Variants in C3orf20 observed in about 807,000 individuals in gnomAD.
C3orf20 encodes uncharacterized protein C3orf20.
In C3orf20, 76 loss-of-function variants were observed where a neutral mutation model predicts 88.3. The ratio of observed to expected loss-of-function variants is 0.86; its 90% CI spans 0.72 to 1.04. C3orf20 has a LOEUF of 1.04. Ranked by LOEUF, C3orf20 falls within the 50% of genes least tolerant of loss-of-function variation. The pLI, the probability that C3orf20 is intolerant of heterozygous loss-of-function variation, is 0.00. For missense variants in C3orf20, 1,056 were observed against 1,123.3 expected (o/e 0.94, Z 0.86); for synonymous variants, 436 against 437.4 (o/e 1.00, Z 0.04).
chr3:14,697,528 T>C (rs1485233230), intron 5 of C3orf20, among the ~76,000 whole-genome samples: 1 of 152,048 alleles, frequency 6.6e-6, no homozygotes, highest in Non-Finnish European at 1.5e-5. Context: ...TCTTTAAAAT[T>C]ATTTCAGTCT....
intron 5 of C3orf20, among the ~76,000 whole-genome samples, chr3:14,695,245 C>T (rs1031045331): frequency 6.6e-6 from 1 of 152,196 alleles, no homozygotes. Flanking sequence ...TCTTCACTGA[C>T]CCACTGGTCA....
At chr3:14,683,289 T>C in intron 3 of C3orf20, 92 bp downstream of exon 3, 1 of 1,466,540 alleles carries the variant, frequency 6.8e-7, no homozygotes, top group Non-Finnish European at 9.0e-7. Context: ...CAACTGTGGG[T>C]CTGCTGTAGG....
chr3:14,769,061 C>CA (rs751963628), intron 15 of C3orf20, among the ~76,000 whole-genome samples: 1 of 152,086 alleles, frequency 6.6e-6, no homozygotes, highest in Non-Finnish European at 1.5e-5. Context: ...TTCATTCACT[C>CA]ACTCATGCCT....
intron 5 of C3orf20, among the ~76,000 whole-genome samples, chr3:14,697,750 C>A (rs892226761): frequency 3.4e-5 from 5 of 147,656 alleles, no homozygotes; most frequent in Non-Finnish European, 5.9e-5. Flanking sequence ...GATGTTCCCC[C>A]CTCTGTGTGC....
chr3:14,683,474 G>A (rs978154072), intron 3 of C3orf20, among the ~76,000 whole-genome samples: 3 of 152,142 alleles, frequency 2.0e-5, no homozygotes, highest in African/African-American at 4.8e-5. Context: ...GCTGAGGTGC[G>A]GAGACAGCAC....
At chr3:14,716,248 C>T (rs2033937413) in intron 9 of C3orf20, among the ~76,000 whole-genome samples, 1 of 152,176 alleles carries the variant, frequency 6.6e-6, no homozygotes, top group Non-Finnish European at 1.5e-5. Context: ...AAACAAAGCC[C>T]ATCAAGGAAC....
At position 14,683,198 on chromosome 3, in the gene C3orf20, G is replaced by A. The variant is rs1186018551; in HGVS notation, c.484+1G>A. The A allele has an allele frequency of 5.1e-6, 8 of 1,570,652 alleles. No homozygotes were observed. Among genetic ancestry groups the A allele is most frequent in the Admixed American group, 1.8e-5 (1 of 54,720 alleles). ...AAGGCCATGGTGGAGTCTATGTCGG[G>A]TAAGGCCCAGATGTTTGTGTATGTG... is the stretch of plus-strand genomic sequence containing the variant. On this transcript the variant is annotated splice_donor_variant, in intron 3 of 16. Transcript: ENST00000253697. LOFTEE classifies it high-confidence loss of function.
chr3:14,738,064 G>A (rs1429842044), intron 12 of C3orf20, among the ~76,000 whole-genome samples: 1 of 151,536 alleles, frequency 6.6e-6, no homozygotes, highest in Non-Finnish European at 1.5e-5. Context: ...CTCCACTGGA[G>A]TCTTGAACTC....
At chr3:14,707,445 TTGTGTGTGTGTGTG>T (rs36047273) in intron 7 of C3orf20, among the ~76,000 whole-genome samples, 49 of 136,452 alleles carry the variant, frequency 3.6e-4, no homozygotes, top group Non-Finnish European at 6.3e-4. Flanking sequence ...GCATCTTTTC[TTGTGTGTGTGTGTG>T]TGTGTGTGTG....
At chr3:14,758,667 A>G (rs1341901928) in intron 13 of C3orf20, among the ~76,000 whole-genome samples, 1 of 152,100 alleles carries the variant, frequency 6.6e-6, no homozygotes, top group Non-Finnish European at 1.5e-5. Context: ...TTTCATGTAC[A>G]CCAGGGGTAG....
At position 14,759,794 on chromosome 3, in the gene C3orf20, A is replaced by G. The variant is rs1158070070; in HGVS notation, c.2245-97A>G. 10 of 991,848 alleles carry G rather than the reference A, an allele frequency of 1.0e-5. 1 individual carries two copies. The highest frequency in any genetic ancestry group is 6.9e-5 in the South Asian group (5 of 71,944). The allele number at this position is 991,848 out of a possible 1,614,324, so 61.4% of individuals were successfully genotyped here. A position where few individuals can be genotyped will look rare whatever the true frequency, so the allele number is the denominator to read the frequency against. ...GGGAGAGGGAGTTGTACAGGGCTCC[A>G]GGACTCAGGGGGAACCAGGCCTAGC... is the stretch of plus-strand genomic sequence containing the variant. On this transcript the variant is annotated intron_variant, in intron 13 of 16. Coordinates refer to ENST00000253697, the MANE Select transcript of C3orf20 (RefSeq NM_032137.5).
chr3:14,741,288 G>A (rs2034891225), intron 12 of C3orf20, among the ~76,000 whole-genome samples: 1 of 152,080 alleles, frequency 6.6e-6, no homozygotes, highest in Non-Finnish European at 1.5e-5. Flanking sequence ...TTCTACCTCG[G>A]TGGGCCCTGA....
At chr3:14,695,619 T>G (rs2032958332) in intron 5 of C3orf20, among the ~76,000 whole-genome samples, 3 of 152,162 alleles carry the variant, frequency 2.0e-5, no homozygotes, top group Admixed American at 2.0e-4. Flanking sequence ...ATTTTATTGG[T>G]GTCTTTCTCT....
chr3:14,760,058 C>A, intron 14 of C3orf20, 60 bp downstream of exon 14: 1 of 1,220,168 alleles, frequency 8.2e-7, no homozygotes, highest in East Asian at 2.3e-5. Flanking sequence ...CACCTCTGCC[C>A]CTGCAGAATC....
chr3:14,763,690 C>A (rs1478288819), intron 15 of C3orf20, among the ~76,000 whole-genome samples: 1 of 152,194 alleles, frequency 6.6e-6, no homozygotes. Context: ...CCTTTCATAG[C>A]TGCGTGAACT....
At chr3:14,745,837 A>G (rs987943907) in intron 12 of C3orf20, among the ~76,000 whole-genome samples, 1 of 152,220 alleles carries the variant, frequency 6.6e-6, no homozygotes, top group East Asian at 1.9e-4. Flanking sequence ...CAACATATAC[A>G]TAATATAAAA....
chr3:14,717,122 C>G (rs1172328801), intron 9 of C3orf20, among the ~76,000 whole-genome samples: 1 of 152,192 alleles, frequency 6.6e-6, no homozygotes, highest in Non-Finnish European at 1.5e-5. Context: ...TTTGGCTGTG[C>G]AACTTTGCGA....
intron 8 of C3orf20, among the ~76,000 whole-genome samples, chr3:14,714,690 A>G (rs2033877354): frequency 6.6e-6 from 1 of 152,134 alleles, no homozygotes; most frequent in Non-Finnish European, 1.5e-5. Context: ...TGCAGCCTCG[A>G]ACTCCTGGGC....
chr3:14,731,245 G>T (rs1354705812), intron 12 of C3orf20, among the ~76,000 whole-genome samples: 2 of 152,158 alleles, frequency 1.3e-5, no homozygotes, highest in African/African-American at 4.8e-5. Flanking sequence ...ACTGTATACA[G>T]CCTTTCGAAT....
Sources: allele counts gnomAD v4.1 joint callset (sites outside exome capture counted in the v4.1 genomes callset), GRCh38; gene constraint gnomAD v4.1.1; transcripts MANE v1.5; gene names NCBI Gene and HGNC (gene_info 2026-07-23, HGNC 2026-07-21).